MPDZ: variants seen among roughly 807,000 people sequenced by gnomAD.
The protein encoded by MPDZ is multiple PDZ domain crumbs cell polarity complex component.
Under a neutral mutation model 239.1 loss-of-function variants are expected in MPDZ, and 234 were observed. The ratio of observed to expected loss-of-function variants is 0.98; its 90% CI spans 0.88 to 1.09. The LOEUF (loss-of-function observed/expected upper bound fraction) is 1.09, where lower values mean the gene tolerates loss of function less well. Among genes scored for constraint, MPDZ ranks in the 50% least tolerant of loss-of-function variants. The probability of loss-of-function intolerance (pLI) is 0.00; values close to 1 mark genes in which losing one functional copy is unlikely to be tolerated. For synonymous variants in MPDZ, 1,048 were observed against 881.3 expected (o/e 1.19, Z -3.35); for missense variants, 3,175 against 2,510.0 (o/e 1.26, Z -5.66).
intron 24 of MPDZ, among the ~76,000 whole-genome samples, chr9:13,156,183 A>G (rs1238172349): frequency 6.6e-6 from 1 of 152,156 alleles, no homozygotes; most frequent in Non-Finnish European, 1.5e-5. Flanking sequence ...AATTCAAAAG[A>G]TTCTATTATT....
intron 1 of MPDZ, among the ~76,000 whole-genome samples, chr9:13,269,566 T>C (rs753485076): frequency 3.3e-5 from 5 of 152,200 alleles, no homozygotes; most frequent in Non-Finnish European, 5.9e-5. Context: ...TTCAGCTCCA[T>C]ACTAAACCAA....
chr9:13,158,229 TGGCCATAA>T, intron 23 of MPDZ, 119 bp from the exon 24 acceptor site: 1 of 686,852 alleles, frequency 1.5e-6, no homozygotes, highest in Non-Finnish European at 2.4e-6. Flanking sequence ...TCACCATACA[TGGCCATAA>T]GTATAAAATA....
intron 3 of MPDZ, among the ~76,000 whole-genome samples, chr9:13,246,697 A>G (rs1342342939): frequency 6.6e-6 from 1 of 152,170 alleles, no homozygotes; most frequent in African/African-American, 2.4e-5. Context: ...TGCATTAGCC[A>G]CACTTTGGGT....
chr9:13,236,869 A>G (rs1338938106), intron 3 of MPDZ, among the ~76,000 whole-genome samples: 1 of 149,986 alleles, frequency 6.7e-6, no homozygotes, highest in African/African-American at 2.5e-5. Context: ...CTCTCCCCTG[A>G]GTTTCCACCG....
intron 21 of MPDZ, among the ~76,000 whole-genome samples, chr9:13,172,258 C>T (rs1951867376): frequency 6.6e-6 from 1 of 152,020 alleles, no homozygotes. Context: ...ACATATTGGG[C>T]ATAGCATATC....
At chr9:13,127,223 C>G (rs1945252435) in intron 32 of MPDZ, among the ~76,000 whole-genome samples, 1 of 152,132 alleles carries the variant, frequency 6.6e-6, no homozygotes, top group Non-Finnish European at 1.5e-5. Context: ...CTTCCTTTAG[C>G]AGGCAGTCTG....
At chr9:13,113,649 A>G (rs1046350289) in intron 41 of MPDZ, among the ~76,000 whole-genome samples, 1 of 152,222 alleles carries the variant, frequency 6.6e-6, no homozygotes, top group Non-Finnish European at 1.5e-5. Context: ...TTAAACACAG[A>G]AAAGGAATAA....
intron 24 of MPDZ, among the ~76,000 whole-genome samples, chr9:13,153,038 T>G (rs1055092361): frequency 2.6e-5 from 4 of 152,068 alleles, no homozygotes; most frequent in African/African-American, 9.7e-5. Context: ...AAGACAATGT[T>G]GGACATTAAG....
intron 1 of MPDZ, among the ~76,000 whole-genome samples, chr9:13,252,085 T>C (rs954676497): frequency 1.3e-5 from 2 of 152,204 alleles, no homozygotes. Context: ...GTCCAGTCAG[T>C]ATATTCCATA....
intron 14 of MPDZ, 138 bp from the exon 15 acceptor site, chr9:13,192,433 G>T: frequency 1.5e-6 from 1 of 673,332 alleles, no homozygotes; most frequent in Non-Finnish European, 2.4e-6. Flanking sequence ...AGTGAGACCT[G>T]TGGAAATACT....
intron 38 of MPDZ, chr9:13,120,180 A>G (rs1391617708): frequency 2.0e-5 from 3 of 153,274 alleles, no homozygotes; most frequent in Non-Finnish European, 2.9e-5. Context: ...ATCATTACAC[A>G]TCTTCCACAC....
At chr9:13,274,256 ATT>A (rs200894616) in intron 1 of MPDZ, among the ~76,000 whole-genome samples, 2 of 147,138 alleles carry the variant, frequency 1.4e-5, no homozygotes, top group African/African-American at 5.0e-5. Context: ...TTTTTTCTTA[ATT>A]TTTTTTTTTG....
At position 13,106,482 on chromosome 9, in the gene MPDZ, C is replaced by G. The variant is rs1464612712; in HGVS notation, c.*483G>C. 6.6e-6 allele frequency: 1 copy of G among 151,538 alleles called. No homozygotes were observed. The highest frequency in any genetic ancestry group is 1.9e-4 in the East Asian group (1 of 5,146). 9.4% of individuals were successfully genotyped at this position (151,538 alleles called of 1,614,324 possible). ...TTTTTAAAGATTTTCATTAGAAAAC[C>G]TTTTTTTCTTTTTTTAGTTTGGGGT... On this transcript the variant is annotated 3_prime_UTR_variant, in exon 47 of 47. Transcript: ENST00000319217.
Position 13,110,739 on chromosome 9 carries a change from A to T in MPDZ, c.5726T>A (p.Val1909Asp). 6.2e-7 allele frequency: 1 copy of T among 1,611,790 alleles called. No individual in the cohort carries two copies. Among genetic ancestry groups the T allele is most frequent in the Non-Finnish European group, 8.5e-7 (1 of 1,178,708 alleles). Residue 1909 changes from valine to aspartate, a missense_variant and splice_region_variant, in exon 44 of 47, where the codon GTT becomes GAT. Physicochemically the swap from Val to Asp is radical, Grantham distance 152 (BLOSUM62 -3). Transcript: ENST00000319217. ...ACAGATGGTGACAATCCTATCCCCAACCTGCAAGGGAGAGAAAGAAACAGC... is the reference window on the plus strand; with the variant it reads ...ACAGATGGTGACAATCCTATCCCCATCCTGCAAGGGAGAGAAAGAAACAGC... ...GVAAQTQKLR[V>D]GDRIVTICGT...
intron 10 of MPDZ, among the ~76,000 whole-genome samples, chr9:13,211,293 G>C (rs1346192917): frequency 6.6e-6 from 1 of 151,784 alleles, no homozygotes; most frequent in East Asian, 1.9e-4. Flanking sequence ...AATTAAAAGG[G>C]GCAGTTGATG....
At chr9:13,234,480 TG>T (rs1319236563) in intron 3 of MPDZ, among the ~76,000 whole-genome samples, 1 of 152,248 alleles carries the variant, frequency 6.6e-6, no homozygotes, top group African/African-American at 2.4e-5. Flanking sequence ...AAGCATTTTT[TG>T]GTAGATTATC....
At chr9:13,135,958 C>G in intron 31 of MPDZ, 134 bp downstream of exon 31, 1 of 600,114 alleles carries the variant, frequency 1.7e-6, no homozygotes, top group Non-Finnish European at 2.9e-6. Flanking sequence ...CTAGGATGTA[C>G]ACTCCTTGAA....
At chr9:13,164,798 G>A (rs1441750604) in intron 22 of MPDZ, among the ~76,000 whole-genome samples, 4 of 152,118 alleles carry the variant, frequency 2.6e-5, no homozygotes, top group Admixed American at 1.3e-4. Context: ...GAGGCCACCA[G>A]AACAAGCATC....
At chr9:13,238,220 A>T (rs1020082050) in intron 3 of MPDZ, among the ~76,000 whole-genome samples, 2 of 152,198 alleles carry the variant, frequency 1.3e-5, no homozygotes, top group South Asian at 2.1e-4. Flanking sequence ...ACTACCTGGG[A>T]CTAGGCATGT....
Sources: gnomAD v4.1 joint callset for allele counts (sites outside exome capture counted in the v4.1 genomes callset) on GRCh38, gnomAD v4.1.1 for gene constraint, MANE v1.5 for transcripts, NCBI Gene and HGNC (gene_info 2026-07-23, HGNC 2026-07-21) for gene names.